Variants in DNAH9 observed in about 807,000 individuals in gnomAD.
DNAH9 encodes dynein axonemal heavy chain 9, also known as DNAH9 variant protein.
DNAH9 carries 345 observed loss-of-function variants against 471.6 expected under a neutral mutation model. That is an observed-to-expected ratio of 0.73 (90% CI 0.67 to 0.80). The LOEUF (loss-of-function observed/expected upper bound fraction) is 0.80, where lower values mean the gene tolerates loss of function less well. DNAH9 is among the 30% of genes least tolerant of loss of function. The pLI is 0.00. For synonymous variants in DNAH9, 2,093 were observed against 2,123.6 expected (o/e 0.99, Z 0.40); for missense variants, 5,407 against 5,609.2 (o/e 0.96, Z 1.15).
At chr17:11,900,362 C>G (rs1242674578) in intron 59 of DNAH9, among the ~76,000 whole-genome samples, 1 of 151,922 alleles carries the variant, frequency 6.6e-6, no homozygotes, top group Non-Finnish European at 1.5e-5. Context: ...TCTGCAAGCC[C>G]CGGTCACATG....
chr17:11,943,130 A>G (rs1038044737), intron 67 of DNAH9, among the ~76,000 whole-genome samples: 3 of 151,578 alleles, frequency 2.0e-5, no homozygotes, highest in African/African-American at 4.8e-5. Context: ...TCCTGACCTC[A>G]TAATCCACCC....
intron 29 of DNAH9, among the ~76,000 whole-genome samples, chr17:11,739,522 A>G (rs987276518): frequency 6.6e-6 from 1 of 152,086 alleles, no homozygotes; most frequent in African/African-American, 2.4e-5. Context: ...ATGTATGATT[A>G]TTTTCCTTGG....
chr17:11,805,523 C>CTTTTTT lies in DNAH9; in HGVS notation c.8421-2172_8421-2167dup, dbSNP rs773842478. ...TATTTGGCCAAACTTTACCCGAGTT[C>CTTTTTT]TTTTTTTTTTTTTTTTTTTTTTTTT... On this transcript the variant is annotated intron_variant, in intron 43 of 68. Transcript: ENST00000262442. Among the ~76,000 whole-genome samples, 80 of 52,090 alleles carry CTTTTTT rather than the reference C, an allele frequency of 1.5e-3. 14 individuals are homozygous for CTTTTTT. The highest frequency in any genetic ancestry group is 3.3e-3 in the South Asian group (4 of 1,202). 34.2% of individuals were successfully genotyped at this position (52,090 alleles called of 152,430 possible). A position where few individuals can be genotyped will look rare whatever the true frequency, so the allele number is the denominator to read the frequency against.
intron 36 of DNAH9, among the ~76,000 whole-genome samples, chr17:11,766,698 C>T (rs1004025879): frequency 3.9e-5 from 6 of 152,274 alleles, no homozygotes; most frequent in East Asian, 1.9e-4. Context: ...GGTGCGGTGG[C>T]TCACGCCTGT....
chr17:11,623,395 T>C lies in DNAH9; in HGVS notation c.1350+3614T>C, dbSNP rs921619360. On this transcript the variant is annotated intron_variant, in intron 6 of 68. Transcript: ENST00000262442. The surrounding 1 kb of genome is among the most constrained non-coding windows in gnomAD (Gnocchi z 4.1). ...TATTTTCTAACTTCCCTGACCTCTT[T>C]GTTTGCCCTGAATTTCCATGTGTTT... Among the ~76,000 whole-genome samples the C allele has an allele frequency of 1.3e-5, 2 of 152,128 alleles. No individual in the cohort carries two copies. Among genetic ancestry groups the C allele is most frequent in the Non-Finnish European group, 2.9e-5 (2 of 68,016 alleles).
At chr17:11,882,437 A>G (rs1230669323) in intron 55 of DNAH9, among the ~76,000 whole-genome samples, 1 of 152,228 alleles carries the variant, frequency 6.6e-6, no homozygotes, top group Non-Finnish European at 1.5e-5. Context: ...AAATGTGATT[A>G]GATTATACAA....
At chr17:11,771,091 A>G (rs1045507317) in intron 38 of DNAH9, among the ~76,000 whole-genome samples, 1 of 152,202 alleles carries the variant, frequency 6.6e-6, no homozygotes, top group Non-Finnish European at 1.5e-5. Context: ...ATGATTTTCA[A>G]TATAATTTAC....
chr17:11,623,392 CTTTG>C lies in DNAH9; in HGVS notation c.1350+3616_1350+3619del. Among the ~76,000 whole-genome samples the C allele has an allele frequency of 6.6e-6, 1 of 152,082 alleles. No homozygotes were observed. The highest frequency in any genetic ancestry group is 1.9e-4 in the East Asian group (1 of 5,192). ...CTCTATTTTCTAACTTCCCTGACCTCTTTGTTTGCCCTGAATTTCCATGTGTTTT... is the reference window on the plus strand; with the variant it reads ...CTCTATTTTCTAACTTCCCTGACCTCTTTGCCCTGAATTTCCATGTGTTTT... On this transcript the variant is annotated intron_variant, in intron 6 of 68. Coordinates refer to ENST00000262442, the MANE Select transcript of DNAH9 (RefSeq NM_001372.4). This position sits in a 1 kb window ranked among gnomAD's most constrained non-coding sequence, Gnocchi z 4.1.
At chr17:11,963,322 T>G (rs1976396712) in intron 68 of DNAH9, among the ~76,000 whole-genome samples, 1 of 151,932 alleles carries the variant, frequency 6.6e-6, no homozygotes, top group South Asian at 2.1e-4. Flanking sequence ...TTATCCCAGC[T>G]ACTCGGAATG....
intron 51 of DNAH9, among the ~76,000 whole-genome samples, chr17:11,870,532 G>T (rs1255654465): frequency 1.3e-5 from 2 of 152,200 alleles, no homozygotes; most frequent in Admixed American, 1.3e-4. Flanking sequence ...ATGAAGACCT[G>T]CCATACCCAA....
intron 55 of DNAH9, chr17:11,882,774 G>T: frequency 4.2e-6 from 1 of 236,154 alleles, no homozygotes; most frequent in Non-Finnish European, 6.9e-6. Context: ...AACAGTGGTG[G>T]TCAGAAAAAG....
chr17:11,694,977 C>T (rs1158499849), intron 22 of DNAH9, among the ~76,000 whole-genome samples: 1 of 150,438 alleles, frequency 6.6e-6, no homozygotes, highest in Non-Finnish European at 1.5e-5. Context: ...CAACCTCCGC[C>T]TCCTGGGTTC....
At chr17:11,896,911 T>C (rs911693758) in intron 59 of DNAH9, among the ~76,000 whole-genome samples, 1 of 152,124 alleles carries the variant, frequency 6.6e-6, no homozygotes, top group African/African-American at 2.4e-5. Context: ...GCCAACATGG[T>C]GAAACCCCGT....
At chr17:11,930,800 C>A (rs2151035118) in intron 63 of DNAH9, among the ~76,000 whole-genome samples, 1 of 149,446 alleles carries the variant, frequency 6.7e-6, no homozygotes, top group East Asian at 2.0e-4. Flanking sequence ...TTTTTAGGCC[C>A]CAATCTGAAA....
chr17:11,810,500 G>C, intron 45 of DNAH9, 131 bp downstream of exon 45: 1 of 1,200,324 alleles, frequency 8.3e-7, no homozygotes, highest in Non-Finnish European at 1.1e-6. Context: ...ACACAGCCAA[G>C]GACTGGTTCA....
intron 6 of DNAH9, among the ~76,000 whole-genome samples, chr17:11,622,173 A>G (rs2072882178): frequency 1.3e-5 from 2 of 152,148 alleles, no homozygotes; most frequent in South Asian, 4.1e-4. Context: ...AAAAGTGGGA[A>G]CACAAGAGAA....
intron 61 of DNAH9, among the ~76,000 whole-genome samples, chr17:11,909,982 C>T (rs1353197440): frequency 6.6e-6 from 1 of 152,164 alleles, no homozygotes; most frequent in Non-Finnish European, 1.5e-5. Context: ...CTCGGCTGGG[C>T]GTGGTGGCTC....
At chr17:11,966,083 AACATTAATTT>A (rs1567586121) in intron 68 of DNAH9, among the ~76,000 whole-genome samples, 1 of 152,228 alleles carries the variant, frequency 6.6e-6, no homozygotes, top group Admixed American at 6.5e-5. Flanking sequence ...TTTGAAGAAA[AACATTAATTT>A]ACATTAATTT....
In DNAH9 at chr17:11,611,732, A is replaced by T. The variant is rs1367733883; in HGVS notation, c.856A>T (p.Ser286Cys). The T allele has an allele frequency of 6.2e-7, 1 of 1,614,042 alleles. No homozygotes were observed. The highest frequency in any genetic ancestry group is 8.5e-7 in the Non-Finnish European group (1 of 1,179,846). Residue 286 changes from serine to cysteine, a missense_variant, in exon 4 of 69, where the codon AGT becomes TGT. This residue lies in a region of DNAH9 where 767 missense variants were observed against 692.5 expected (regional missense o/e 1.11). Coordinates refer to ENST00000262442, the MANE Select transcript of DNAH9 (RefSeq NM_001372.4). ...GMAKLLDKLQ[S>C]SYFPAFKAMY... is the part of the protein sequence containing the mutation. The stretch of plus-strand genomic sequence containing the variant: ...GGCCAAGCTCCTGGACAAGCTTCAG[A>T]GTAGCTACTTTCCAGCTTTCAAAGC...
Sources: allele counts gnomAD v4.1 joint callset (sites outside exome capture counted in the v4.1 genomes callset), GRCh38; gene constraint gnomAD v4.1.1; regional missense constraint gnomAD v4.1.1; non-coding constraint Gnocchi (gnomAD v3.1); transcripts MANE v1.5; gene names NCBI Gene and HGNC (gene_info 2026-07-23, HGNC 2026-07-21).